The following CMSS1 variants were observed in gnomAD, a reference collection of about 807,000 sequenced individuals.
CMSS1 encodes cms1 ribosomal small subunit homolog.
A neutral mutation model predicts 43.5 loss-of-function variants in CMSS1; 33 were observed. The ratio of observed to expected loss-of-function variants is 0.76; its 90% CI spans 0.57 to 1.01. CMSS1 has a LOEUF of 1.01. Among genes scored for constraint, CMSS1 ranks in the 50% least tolerant of loss-of-function variants. CMSS1 has a pLI of 0.00. For missense variants in CMSS1, 313 were observed against 326.4 expected (o/e 0.96, Z 0.32); for synonymous variants, 115 against 117.2 (o/e 0.98, Z 0.12).
Position 99,817,927 on chromosome 3 carries a change from C to A in CMSS1, c.-53C>A. The A allele has an allele frequency of 1.3e-6, 2 of 1,583,334 alleles. No individual in the cohort carries two copies. The highest frequency in any genetic ancestry group is 1.7e-5 in the Admixed American group (1 of 59,920). On this transcript the variant is annotated 5_prime_UTR_variant, in exon 1 of 10. Transcript: ENST00000421999. ...CTGGCTTTGAGACAACGTGATTCTC[C>A]GCAGCTGGTCGCCTACCCGTGATGT...
intron 1 of CMSS1, chr3:99,848,754 G>A: frequency 6.2e-7 from 1 of 1,614,126 alleles, no homozygotes; most frequent in Non-Finnish European, 8.5e-7. Context: ...TGGTAATTGG[G>A]GACATGCCTT....
chr3:99,982,793 TA>T (rs1286339878), intron 1 of CMSS1, among the ~76,000 whole-genome samples: 1 of 152,244 alleles, frequency 6.6e-6, no homozygotes, highest in Non-Finnish European at 1.5e-5. Context: ...AATGTGCTTA[TA>T]AAATTTGTGA....
chr3:99,906,580 A>G (rs1157070763), intron 1 of CMSS1, among the ~76,000 whole-genome samples: 2 of 152,196 alleles, frequency 1.3e-5, no homozygotes, highest in African/African-American at 2.4e-5. Context: ...TGTTCTTTTC[A>G]AGAAATTTTT....
At chr3:99,907,127 T>C (rs1706643198) in intron 1 of CMSS1, among the ~76,000 whole-genome samples, 1 of 152,240 alleles carries the variant, frequency 6.6e-6, no homozygotes, top group African/African-American at 2.4e-5. Context: ...TAGCATATAC[T>C]GGAAGCAGCC....
At chr3:100,133,609 C>T (rs2066727764) in intron 1 of CMSS1, among the ~76,000 whole-genome samples, 1 of 152,122 alleles carries the variant, frequency 6.6e-6, no homozygotes, top group South Asian at 2.1e-4. Context: ...TCTTATTTTA[C>T]TCTGTCTTGT....
intron 1 of CMSS1, among the ~76,000 whole-genome samples, chr3:99,974,257 A>T: frequency 6.6e-6 from 1 of 152,228 alleles, no homozygotes; most frequent in East Asian, 1.9e-4. Flanking sequence ...CAGTATATAC[A>T]GTTCGTGCTT....
chr3:99,942,784 G>C (rs1707889073), intron 1 of CMSS1, among the ~76,000 whole-genome samples: 1 of 151,922 alleles, frequency 6.6e-6, no homozygotes, highest in Non-Finnish European at 1.5e-5. Context: ...AGCCGACACA[G>C]TGCCACTGCA....
intron 1 of CMSS1, among the ~76,000 whole-genome samples, chr3:99,973,671 A>G (rs1708888153): frequency 6.6e-6 from 1 of 152,258 alleles, no homozygotes; most frequent in African/African-American, 2.4e-5. Flanking sequence ...AAGAAGAATA[A>G]TAAACACACT....
intron 1 of CMSS1, among the ~76,000 whole-genome samples, chr3:99,834,142 C>CT (rs1419579956): frequency 6.6e-6 from 1 of 152,112 alleles, no homozygotes; most frequent in Non-Finnish European, 1.5e-5. Context: ...GCTTTTTTCT[C>CT]TTGATTTTTC....
At chr3:100,106,422 T>C (rs2066396390) in intron 1 of CMSS1, among the ~76,000 whole-genome samples, 2 of 152,112 alleles carry the variant, frequency 1.3e-5, no homozygotes, top group African/African-American at 4.8e-5. Flanking sequence ...TTATGCAAGA[T>C]ATGGCCCCAG....
chr3:100,020,767 T>TA (rs1559727954), intron 1 of CMSS1, among the ~76,000 whole-genome samples: 2 of 136,146 alleles, frequency 1.5e-5, no homozygotes, highest in Non-Finnish European at 3.2e-5. Context: ...TAGCTTTTTT[T>TA]TTTTTTTTTT....
intron 1 of CMSS1, among the ~76,000 whole-genome samples, chr3:99,965,783 G>A (rs1412197288): frequency 6.6e-6 from 1 of 152,142 alleles, no homozygotes; most frequent in Non-Finnish European, 1.5e-5. Context: ...TTAGGGGGAG[G>A]GTGTTAAATG....
At chr3:100,073,868 C>A (rs563787305) in intron 1 of CMSS1, among the ~76,000 whole-genome samples, 1 of 152,200 alleles carries the variant, frequency 6.6e-6, no homozygotes, top group Non-Finnish European at 1.5e-5. Flanking sequence ...TTTTAAAACA[C>A]CAGAATTCAA....
intron 1 of CMSS1, among the ~76,000 whole-genome samples, chr3:99,962,719 GT>G (rs1708531584): frequency 6.6e-6 from 1 of 152,172 alleles, no homozygotes; most frequent in Admixed American, 6.5e-5. Context: ...TATGAGGTAG[GT>G]ATTATCCTCA....
intron 1 of CMSS1, among the ~76,000 whole-genome samples, chr3:100,132,734 G>T (rs990475958): frequency 2.1e-4 from 31 of 149,756 alleles, no homozygotes; most frequent in Admixed American, 4.7e-4. Context: ...CAGGCAAATG[G>T]TGTGAACCCA....
chr3:100,171,994 AT>A (rs879318418), intron 7 of CMSS1, 95 bp downstream of exon 7: 99 of 930,450 alleles, frequency 1.1e-4, no homozygotes, highest in Non-Finnish European at 1.5e-4. Context: ...CACATATTTT[AT>A]TGAGTTCCTT....
chr3:100,126,823 T>G (rs902557293), intron 1 of CMSS1, among the ~76,000 whole-genome samples: 1 of 151,888 alleles, frequency 6.6e-6, no homozygotes, highest in Admixed American at 6.6e-5. Flanking sequence ...ACGGTGAAAC[T>G]CCGTCTCTAC....
At chr3:99,818,766 A>G (rs891546413) in intron 1 of CMSS1, among the ~76,000 whole-genome samples, 1 of 152,256 alleles carries the variant, frequency 6.6e-6, no homozygotes, top group Non-Finnish European at 1.5e-5. Flanking sequence ...AAACAATACT[A>G]GAATTCAGTT....
At chr3:99,858,767 T>C (rs1424876437) in intron 1 of CMSS1, among the ~76,000 whole-genome samples, 2 of 152,190 alleles carry the variant, frequency 1.3e-5, no homozygotes, top group African/African-American at 2.4e-5. Flanking sequence ...TATGAAGATA[T>C]CTTCTTCACT....
Sources: gnomAD v4.1 joint callset for allele counts (sites outside exome capture counted in the v4.1 genomes callset) on GRCh38, gnomAD v4.1.1 for gene constraint, MANE v1.5 for transcripts, NCBI Gene and HGNC (gene_info 2026-07-23, HGNC 2026-07-21) for gene names.